The following DGKQ variants were observed in gnomAD, a reference collection of about 807,000 sequenced individuals.
The protein encoded by DGKQ is DAG kinase theta.
DGKQ carries 97 observed loss-of-function variants against 104.2 expected under a neutral mutation model. The observed-to-expected ratio is 0.93, with a 90% CI of 0.79 to 1.10. DGKQ has a LOEUF of 1.10. Ranked by LOEUF, DGKQ falls within the 50% of genes least tolerant of loss-of-function variation. The probability of loss-of-function intolerance (pLI) is 0.00; values close to 1 mark genes in which losing one functional copy is unlikely to be tolerated. For missense variants in DGKQ, 1,465 were observed against 1,352.1 expected (o/e 1.08, Z -1.31); for synonymous variants, 736 against 595.2 (o/e 1.24, Z -3.44).
Position 962,873 on chromosome 4 carries a change from C to G in DGKQ, c.1934G>C (p.Gly645Ala), listed in dbSNP as rs1711993575. ...QVPCFRVLVC[G>A]GDGTVGWVLG... ...CACCCAGCCCACAGTGCCATCGCCA[C>G]CACACACCAGCACCCGGAAGCAGGG... Residue 645 changes from glycine (G) to alanine (A), a missense_variant, in exon 17 of 23, where the codon GGT becomes GCT. Gly to Ala is a moderately conservative substitution (Grantham distance 60). Transcript: ENST00000273814. 1 of 1,608,994 alleles carries G rather than the reference C, an allele frequency of 6.2e-7. No homozygotes were observed. The highest frequency in any genetic ancestry group is 1.3e-5 in the African/African-American group (1 of 74,856).
Position 966,033 on chromosome 4 carries a change from T to C in DGKQ, c.1474A>G (p.Ser492Gly). 1 of 1,604,644 alleles carries C rather than the reference T, an allele frequency of 6.2e-7. No homozygotes were observed. The highest frequency in any genetic ancestry group is 8.5e-7 in the Non-Finnish European group (1 of 1,176,742). Residue 492 changes from serine (S) to glycine (G), a missense_variant, in exon 13 of 23, where the codon AGC becomes GGC. By Grantham distance (56) the Ser-to-Gly change is moderately conservative. Transcript: ENST00000273814. The stretch of plus-strand genomic sequence containing the variant: ...GAGACGTGCGGGGCTACATCCCTGC[T>C]CTCTGCCACGTAGAACCGCGTCTGG... ...VSQTRFYVAE[S>G]RDVAPHVSLF...
intron 2 of DGKQ, among the ~76,000 whole-genome samples, chr4:970,675 C>T (rs761777170): frequency 3.3e-5 from 5 of 152,062 alleles, no homozygotes; most frequent in African/African-American, 9.7e-5. Context: ...GGAGCCCTCA[C>T]GCTGCATGTC....
Position 967,745 on chromosome 4 carries a change from T to G in DGKQ, c.869A>C (p.Gln290Pro). The G allele has an allele frequency of 6.2e-7, 1 of 1,610,622 alleles. No homozygotes were observed. The highest frequency in any genetic ancestry group is 8.5e-7 in the Non-Finnish European group (1 of 1,178,980). ...SAAVGPGRET[Q>P]ATPESGKQTL... is the part of the protein sequence containing the mutation. ...GCACTTACCGGACTCCGGAGTTGCC[T>G]GTGTCTCTCTGCCTGGACCCACGGC... The change falls in exon 7 of 23, where the codon CAG (glutamine) becomes CCG (proline). Residue 290 changes from glutamine (Q) to proline (P), a missense_variant. Coordinates refer to ENST00000273814, the MANE Select transcript of DGKQ (RefSeq NM_001347.4).
rs35719180 is a variant in DGKQ, at chr4:962,044, G to A, written c.2253C>T (p.Asp751=). The stretch of plus-strand genomic sequence containing the variant: ...GGTGGAAGTCCAGGCTCAGCTCCGC[G>A]TCGATGCCAATGCCACAGTAGTTAC... The part of the protein sequence containing the change: ...QMSNYCGIGI[D]AELSLDFHQA... The change falls in exon 19 of 23, where the codon GAC becomes GAT. Residue 751 remains aspartate, a synonymous_variant. Transcript: ENST00000273814. The A allele has an allele frequency of 8.6e-4, 1,391 of 1,612,920 alleles. 14 individuals are homozygous for A. The African/African-American group carries it at 0.016, about 19-fold the overall frequency.
At chr4:965,558 TG>T in intron 13 of DGKQ, 29 bp from the exon 14 acceptor site, 1 of 1,609,448 alleles carries the variant, frequency 6.2e-7, no homozygotes, top group Non-Finnish European at 8.5e-7. Flanking sequence ...GTCAGGGCGG[TG>T]GGAGGCGAAG....
rs201409165 is a variant in DGKQ, at chr4:967,887, C to G, written c.804G>C (p.Ala268=). Residue 268 remains alanine (A), a synonymous_variant, in exon 6 of 23, where the codon GCG becomes GCC. Transcript: ENST00000273814. Reference sequence around the variant, plus strand: ...GGCCGGCCCGCACCTCACCCGGCTCCGCGGCCTCCACGATGCGGAAGCTCT... The same window carrying G: ...GGCCGGCCCGCACCTCACCCGGCTCGGCGGCCTCCACGATGCGGAAGCTCT... ...KTQSFRIVEA[A]EPGEGGDGAD... 303 of 1,450,698 alleles carry G rather than the reference C, an allele frequency of 2.1e-4. No individual in the cohort carries two copies. The highest frequency in any genetic ancestry group is 1.2e-3 in the Admixed American group (44 of 36,410). 89.9% of individuals were successfully genotyped at this position (1,450,698 alleles called of 1,614,324 possible).
rs1260101248 is a variant in DGKQ, at chr4:962,230, C to G, written c.2215-148G>C. The G allele has an allele frequency of 5.6e-6, 5 of 885,528 alleles. No individual in the cohort carries two copies. The Admixed American group carries it at 1.2e-4, about 21-fold the overall frequency. The allele number at this position is 885,528 out of a possible 1,614,324, so 54.9% of individuals were successfully genotyped here. ...CCAGGAGAGGGCAGCATGGGCAGGT[C>G]CTGGCCAGGCTCTGTCGCCAGCTGG... On this transcript the variant is annotated intron_variant, in intron 18 of 22. Coordinates refer to ENST00000273814, the MANE Select transcript of DGKQ (RefSeq NM_001347.4).
In DGKQ at chr4:960,081, C is replaced by G. The variant is rs117522201; in HGVS notation, c.*539G>C. ...TCACCAGTCACCACCACCCGGCAGCCTCACACGCTGCCCACACCTGCTGCC... is the reference window on the plus strand; with the variant it reads ...TCACCAGTCACCACCACCCGGCAGCGTCACACGCTGCCCACACCTGCTGCC... On this transcript the variant is annotated 3_prime_UTR_variant, in exon 23 of 23. Transcript: ENST00000273814. 9.8e-4 allele frequency: 152 copies of G among 155,560 alleles called. 4 individuals carry two copies. In the East Asian group the frequency reaches 0.028, roughly 28 times the overall value. 9.6% of individuals were successfully genotyped at this position (155,560 alleles called of 1,614,324 possible).
intron 11 of DGKQ, 63 bp downstream of exon 11, chr4:966,685 G>A: frequency 6.5e-7 from 1 of 1,548,918 alleles, no homozygotes; most frequent in Non-Finnish European, 8.8e-7. Context: ...GGAAAGCCTG[G>A]GCAGCAGGTC....
rs750788452 is a variant in DGKQ at position 968,846 on chromosome 4, C to T, written c.416G>A (p.Arg139His). Residue 139 changes from arginine to histidine, a missense_variant, in exon 3 of 23, where the codon CGC becomes CAC. Transcript: ENST00000273814. ...LHKRKFCAVC[R>H]KVLEAPALHC... ...GAGCGCCGGTGCCTCCAGGACCTTG[C>T]GGCAGACAGCACAGAACTTGCGCTT... is the stretch of plus-strand genomic sequence containing the variant. 7 of 1,610,404 alleles carry T rather than the reference C, an allele frequency of 4.3e-6. No individual in the cohort carries two copies. Among genetic ancestry groups the T allele is most frequent in the East Asian group, 2.2e-5 (1 of 44,824 alleles).
Position 961,425 on chromosome 4 carries a change from C to T in DGKQ, c.2574+42G>A, listed in dbSNP as rs542951194. 665 of 1,543,658 alleles carry T rather than the reference C, an allele frequency of 4.3e-4. 3 individuals are homozygous for T. In the South Asian group the frequency reaches 4.7e-3, roughly 11 times the overall value. ...AGCTGGGCTCAGCGGGGACCGGGGACGCCCACCCTGGGCTCGCCCGCCCAC... is the reference window on the plus strand; with the variant it reads ...AGCTGGGCTCAGCGGGGACCGGGGATGCCCACCCTGGGCTCGCCCGCCCAC... On this transcript the variant is annotated intron_variant, in intron 21 of 22. Coordinates refer to ENST00000273814, the MANE Select transcript of DGKQ (RefSeq NM_001347.4).
chr4:965,614 G>A, intron 13 of DGKQ, 85 bp from the exon 14 acceptor site: 5 of 1,475,244 alleles, frequency 3.4e-6, no homozygotes, highest in Non-Finnish European at 4.6e-6. Context: ...GCCTGTCCAG[G>A]GGTGACATCT....
chr4:960,886 C>T, intron 22 of DGKQ, 163 bp downstream of exon 22: 1 of 985,344 alleles, frequency 1.0e-6, no homozygotes, highest in Non-Finnish European at 1.2e-6. Flanking sequence ...CTGTGGCCCG[C>T]CTGGCCACTG....
chr4:962,464 T>C lies in DGKQ; in HGVS notation c.2185A>G (p.Asn729Asp), dbSNP rs775961392. The change falls in exon 18 of 23, where the codon AAC (asparagine) becomes GAC (aspartate). Residue 729 changes from asparagine (N) to aspartate (D), a missense_variant. By Grantham distance (23) the Asn-to-Asp change is conservative. Transcript: ENST00000273814. ...GGGGGCTCTGCGTCTGCCGTGTCGT[T>C]CTCTGCACTGCCAGCCTCGTGGGCA... ...LDAHEAGSAE[N>D]DTADAEPPKI... 1 of 1,601,032 alleles carries C rather than the reference T, an allele frequency of 6.2e-7. No individual in the cohort carries two copies. The highest frequency in any genetic ancestry group is 2.2e-5 in the East Asian group (1 of 44,490).
intron 1 of DGKQ, among the ~76,000 whole-genome samples, chr4:972,280 C>G (rs1201816666): frequency 1.3e-5 from 2 of 152,174 alleles, no homozygotes; most frequent in African/African-American, 2.4e-5. Flanking sequence ...CCCCAGGCAG[C>G]AGGCATGGCT....
At chr4:964,692 C>G (rs1220807657) in intron 15 of DGKQ, among the ~76,000 whole-genome samples, 4 of 152,198 alleles carry the variant, frequency 2.6e-5, no homozygotes, top group Non-Finnish European at 5.9e-5. Context: ...AGGCAGAGAG[C>G]AGAGGCCCTA....
chr4:963,329 G>GTGGGGTGTCCCCACTGC, intron 15 of DGKQ, 39 bp from the exon 16 acceptor site: 7 of 1,567,032 alleles, frequency 4.5e-6, no homozygotes, highest in Non-Finnish European at 6.1e-6. Context: ...GGGACCCAAG[G>GTGGGGTGTCCCCACTGC]TGGGGTGTCC....
intron 1 of DGKQ, among the ~76,000 whole-genome samples, chr4:972,002 T>C (rs1712968064): frequency 6.7e-6 from 1 of 149,144 alleles, no homozygotes; most frequent in Non-Finnish European, 1.5e-5. Context: ...CAGGCCAGGG[T>C]CCACCGAGAG....
chr4:962,731 A>G (rs753763114), intron 17 of DGKQ, 41 bp downstream of exon 17: 3 of 1,598,254 alleles, frequency 1.9e-6, no homozygotes, highest in Non-Finnish European at 8.5e-7. Flanking sequence ...AGGAAGGGGT[A>G]GACCCTGAGG....
Sources: gnomAD v4.1 joint callset for allele counts (sites outside exome capture counted in the v4.1 genomes callset) on GRCh38, gnomAD v4.1.1 for gene constraint, MANE v1.5 for transcripts, NCBI Gene and HGNC (gene_info 2026-07-23, HGNC 2026-07-21) for gene names.